KIAA0232: variants seen among roughly 807,000 people sequenced by gnomAD.
The protein encoded by KIAA0232 is uncharacterized protein KIAA0232.
Under a neutral mutation model 122.0 loss-of-function variants are expected in KIAA0232, and 27 were observed. The observed-to-expected ratio is 0.22, with a 90% CI of 0.16 to 0.31. The LOEUF (loss-of-function observed/expected upper bound fraction) is 0.31. Among genes scored for constraint, KIAA0232 ranks in the 10% least tolerant of loss-of-function variants. The probability of loss-of-function intolerance (pLI) is 1.00; values close to 1 mark genes in which losing one functional copy is unlikely to be tolerated. For missense variants in KIAA0232, 1,551 were observed against 1,634.2 expected (o/e 0.95, Z 0.88); for synonymous variants, 613 against 587.6 (o/e 1.04, Z -0.63).
intron 1 of KIAA0232, among the ~76,000 whole-genome samples, chr4:6,803,906 A>AT (rs1717497047): frequency 6.6e-6 from 1 of 152,180 alleles, no homozygotes; most frequent in Non-Finnish European, 1.5e-5. Context: ...ACAGATAGTC[A>AT]TTTTTGAGGG....
At chr4:6,815,276 T>G (rs1718066025) in intron 2 of KIAA0232, among the ~76,000 whole-genome samples, 1 of 152,166 alleles carries the variant, frequency 6.6e-6, no homozygotes, top group Non-Finnish European at 1.5e-5. Flanking sequence ...CTCAGTGCTG[T>G]GACCATTAGA....
chr4:6,879,193 C>G (rs1721925130), intron 9 of KIAA0232, among the ~76,000 whole-genome samples: 1 of 152,214 alleles, frequency 6.6e-6, no homozygotes, highest in African/African-American at 2.4e-5. Context: ...CTTCTCTCCA[C>G]ACAGCAGACA....
Position 6,824,192 on chromosome 4 carries a change from C to A in KIAA0232, c.-262C>A. On this transcript the variant is annotated 5_prime_UTR_variant, in exon 3 of 10. Transcript: ENST00000307659. ...CCTCTCTCATTTTTGTAGGTTCTGCCGGAGACTTCCATTTGGCCTCAATGT... is the reference window on the plus strand; with the variant it reads ...CCTCTCTCATTTTTGTAGGTTCTGCAGGAGACTTCCATTTGGCCTCAATGT... 1 of 522,006 alleles carries A rather than the reference C, an allele frequency of 1.9e-6. No homozygotes were observed. The highest frequency in any genetic ancestry group is 3.5e-5 in the South Asian group (1 of 28,932). 32.3% of individuals were successfully genotyped at this position (522,006 alleles called of 1,614,324 possible). A position where few individuals can be genotyped will look rare whatever the true frequency, so the allele number is the denominator to read the frequency against.
chr4:6,808,974 A>G (rs1461245613), intron 2 of KIAA0232, among the ~76,000 whole-genome samples: 1 of 152,180 alleles, frequency 6.6e-6, no homozygotes, highest in Non-Finnish European at 1.5e-5. Flanking sequence ...AGAATAGTAT[A>G]AAAGGACATC....
At chr4:6,844,942 G>A (rs551851271) in intron 4 of KIAA0232, among the ~76,000 whole-genome samples, 1 of 152,200 alleles carries the variant, frequency 6.6e-6, no homozygotes, top group African/African-American at 2.4e-5. Flanking sequence ...GCAGCCTCAC[G>A]AGAGACCTGA....
At chr4:6,834,331 C>G (rs1333979479) in intron 3 of KIAA0232, among the ~76,000 whole-genome samples, 1 of 152,122 alleles carries the variant, frequency 6.6e-6, no homozygotes, top group Non-Finnish European at 1.5e-5. Flanking sequence ...TGCCAGGCAT[C>G]ATTTTATGTA....
intron 6 of KIAA0232, among the ~76,000 whole-genome samples, chr4:6,858,741 G>T (rs1720693348): frequency 6.6e-6 from 1 of 152,152 alleles, no homozygotes; most frequent in African/African-American, 2.4e-5. Flanking sequence ...AACATAGAAG[G>T]TTATTATTTG....
intron 6 of KIAA0232, among the ~76,000 whole-genome samples, chr4:6,859,259 A>G (rs1401458052): frequency 6.6e-6 from 1 of 152,110 alleles, no homozygotes; most frequent in Non-Finnish European, 1.5e-5. Flanking sequence ...TTTTGTTCGT[A>G]AATAGTCTTA....
At chr4:6,787,592 T>C (rs1215114587) in intron 1 of KIAA0232, among the ~76,000 whole-genome samples, 1 of 152,236 alleles carries the variant, frequency 6.6e-6, no homozygotes, top group Non-Finnish European at 1.5e-5. Context: ...GACCAGATTT[T>C]TACCAGGTTT....
At chr4:6,857,800 G>A (rs578193406) in intron 5 of KIAA0232, among the ~76,000 whole-genome samples, 3 of 152,158 alleles carry the variant, frequency 2.0e-5, no homozygotes, top group South Asian at 2.1e-4. Context: ...CCCTAAGAAC[G>A]AGACCTTCAT....
chr4:6,812,487 T>C (rs577166093), intron 2 of KIAA0232, among the ~76,000 whole-genome samples: 1 of 152,266 alleles, frequency 6.6e-6, no homozygotes, highest in East Asian at 1.9e-4. Context: ...ATTTAATATA[T>C]AGAAATAATA....
intron 6 of KIAA0232, 40 bp from the exon 7 acceptor site, chr4:6,860,861 C>T: frequency 6.4e-7 from 1 of 1,552,406 alleles, no homozygotes; most frequent in Non-Finnish European, 8.7e-7. Context: ...TCTAAAAAAT[C>T]TGCATACTCG....
At position 6,863,025 on chromosome 4, in the gene KIAA0232, A is replaced by G; in HGVS notation, c.2643A>G (p.Ser881=). The G allele has an allele frequency of 1.7e-5, 28 of 1,614,234 alleles. No homozygotes were observed. The highest frequency in any genetic ancestry group is 2.4e-5 in the Non-Finnish European group (28 of 1,180,036). ...AGCCTGATAAGGCTGTGCGGAGGTCAGAGTACCATCTGTGGGAGGGACAGA... is the reference window on the plus strand; with the variant it reads ...AGCCTGATAAGGCTGTGCGGAGGTCGGAGTACCATCTGTGGGAGGGACAGA... ...LQEPDKAVRR[S]EYHLWEGQKE... Residue 881 remains serine, a synonymous_variant, in exon 7 of 10, where the codon TCA becomes TCG. Transcript: ENST00000307659.
At chr4:6,872,674 C>T (rs1371528111) in intron 8 of KIAA0232, among the ~76,000 whole-genome samples, 4 of 152,178 alleles carry the variant, frequency 2.6e-5, no homozygotes, top group African/African-American at 4.8e-5. Context: ...GTCAGAGTCC[C>T]GAAGGGGTTA....
rs1265011776 is a variant in KIAA0232, at chr4:6,883,736, C to T, written c.*2770C>T. ...GTTAATATGATTGATATTCATTGTG[C>T]AAAAAAAATCAGTGTGTTTTTAAAG... is the stretch of plus-strand genomic sequence containing the variant. On this transcript the variant is annotated 3_prime_UTR_variant, in exon 10 of 10. Transcript: ENST00000307659. 3.3e-5 allele frequency: 5 copies of T among 151,642 alleles called. No individual in the cohort carries two copies. The highest frequency in any genetic ancestry group is 9.7e-5 in the African/African-American group (4 of 41,284). The allele number at this position is 151,642 out of a possible 1,614,324, so 9.4% of individuals were successfully genotyped here.
intron 2 of KIAA0232, among the ~76,000 whole-genome samples, chr4:6,817,521 A>G (rs1233297935): frequency 6.6e-6 from 1 of 152,014 alleles, no homozygotes; most frequent in Non-Finnish European, 1.5e-5. Flanking sequence ...AGCCTCCCCT[A>G]TTGTTTAGAA....
chr4:6,842,399 T>C (rs1719711619), intron 4 of KIAA0232, among the ~76,000 whole-genome samples, 195 bp downstream of exon 4: 1 of 152,198 alleles, frequency 6.6e-6, no homozygotes, highest in South Asian at 2.1e-4. Flanking sequence ...TTTTCTTTTA[T>C]ATGTGCTACT....
intron 1 of KIAA0232, among the ~76,000 whole-genome samples, chr4:6,797,278 C>G (rs567349267): frequency 6.6e-6 from 1 of 152,126 alleles, no homozygotes; most frequent in South Asian, 2.1e-4. Flanking sequence ...TCAGGTAGCA[C>G]CCTGCATTTT....
intron 2 of KIAA0232, among the ~76,000 whole-genome samples, chr4:6,808,935 TGAG>T (rs937848500): frequency 6.6e-6 from 1 of 152,160 alleles, no homozygotes; most frequent in African/African-American, 2.4e-5. Context: ...GCCTATTTGA[TGAG>T]GAACCCATTC....
Sources: gnomAD v4.1 joint callset for allele counts (sites outside exome capture counted in the v4.1 genomes callset) on GRCh38, gnomAD v4.1.1 for gene constraint, MANE v1.5 for transcripts, NCBI Gene and HGNC (gene_info 2026-07-23, HGNC 2026-07-21) for gene names.